The following GPHN variants were observed in gnomAD, a reference collection of about 807,000 sequenced individuals.
GPHN encodes the protein gephyrin.
In GPHN, 17 loss-of-function variants were observed where a neutral mutation model predicts 95.5. The ratio of observed to expected loss-of-function variants is 0.18; its 90% CI spans 0.12 to 0.27. The LOEUF (loss-of-function observed/expected upper bound fraction) is 0.27, where lower values mean the gene tolerates loss of function less well. GPHN is among the 10% of genes least tolerant of loss of function. GPHN has a pLI of 1.00. For missense variants in GPHN, 660 were observed against 978.1 expected (o/e 0.67, Z 4.34); for synonymous variants, 320 against 322.5 (o/e 0.99, Z 0.08).
the GPHN span, chr14:67,577,251 T>G: frequency 1.8e-6 from 2 of 1,132,468 alleles, no homozygotes; most frequent in African/African-American, 1.5e-5. Flanking sequence ...GGGAGATGAG[T>G]CCCCTCTCAG....
the GPHN span, among the ~76,000 whole-genome samples, chr14:67,530,939 T>C: frequency 4.6e-5 from 7 of 152,230 alleles, no homozygotes; most frequent in Admixed American, 4.6e-4. Flanking sequence ...TGGCAGCTAA[T>C]ACAATCATTG....
chr14:67,542,054 C>A, the GPHN span: 2 of 1,447,050 alleles, frequency 1.4e-6, no homozygotes, highest in African/African-American at 2.9e-5. Context: ...CAGGGAGGGC[C>A]GTGTGAGAGA....
At chr14:66,800,413 A>G (rs2060304697) in intron 3 of GPHN, among the ~76,000 whole-genome samples, 1 of 152,042 alleles carries the variant, frequency 6.6e-6, no homozygotes, top group African/African-American at 2.4e-5. Flanking sequence ...TTTTGTTGGG[A>G]AAGTCTTTAT....
At chr14:66,557,271 A>G (rs1156435858) in intron 1 of GPHN, among the ~76,000 whole-genome samples, 1 of 150,672 alleles carries the variant, frequency 6.6e-6, no homozygotes, top group African/African-American at 2.4e-5. Context: ...ATAGATAGAT[A>G]GATAGATAGA....
At chr14:67,198,221 C>T in the GPHN span, 1 of 1,613,846 alleles carries the variant, frequency 6.2e-7, no homozygotes, top group South Asian at 1.1e-5. Context: ...CTCTCTGCAC[C>T]CCACACTCCC....
chr14:66,532,189 G>C (rs2058968855), intron 1 of GPHN, among the ~76,000 whole-genome samples: 1 of 152,130 alleles, frequency 6.6e-6, no homozygotes, highest in Non-Finnish European at 1.5e-5. Flanking sequence ...TTGAAACTAC[G>C]ATTTAGTATT....
At chr14:66,943,970 C>T (rs955062053) in intron 8 of GPHN, among the ~76,000 whole-genome samples, 1 of 152,120 alleles carries the variant, frequency 6.6e-6, no homozygotes, top group Admixed American at 6.5e-5. Context: ...AAATAGAGGT[C>T]TTTCCCCTTC....
chr14:66,742,126 C>G (rs988383338), intron 2 of GPHN, among the ~76,000 whole-genome samples: 1 of 152,198 alleles, frequency 6.6e-6, no homozygotes, highest in Non-Finnish European at 1.5e-5. Context: ...CCAAAAGGAA[C>G]TCTTTTGCCT....
At chr14:67,246,616 C>T in the GPHN span, among the ~76,000 whole-genome samples, 3 of 149,194 alleles carry the variant, frequency 2.0e-5, no homozygotes, top group Admixed American at 1.3e-4. Context: ...GCTAGGATTA[C>T]AGGTGTTAGC....
At chr14:67,034,202 T>C (rs1222184772) in intron 10 of GPHN, among the ~76,000 whole-genome samples, 1 of 152,170 alleles carries the variant, frequency 6.6e-6, no homozygotes, top group Admixed American at 6.5e-5. Context: ...AATGGTGGCA[T>C]GTAAATCACA....
intron 19 of GPHN, among the ~76,000 whole-genome samples, chr14:67,162,707 A>G (rs974262525): frequency 6.6e-6 from 1 of 152,240 alleles, no homozygotes; most frequent in African/African-American, 2.4e-5. Context: ...CATTTTTCTA[A>G]AACAGCAAAG....
chr14:67,431,833 T>G, the GPHN span, among the ~76,000 whole-genome samples: 1 of 152,220 alleles, frequency 6.6e-6, no homozygotes, highest in Non-Finnish European at 1.5e-5. Context: ...GGGCAGTCAG[T>G]GCCCATACTC....
chr14:66,761,961 G>C (rs542760057), intron 2 of GPHN, among the ~76,000 whole-genome samples: 1 of 152,210 alleles, frequency 6.6e-6, no homozygotes. Context: ...TGCGATTCCT[G>C]GTAGAGCATA....
At chr14:66,996,138 C>T (rs2071773722) in intron 9 of GPHN, 1 of 1,460,722 alleles carries the variant, frequency 6.8e-7, no homozygotes, top group Non-Finnish European at 9.3e-7. Flanking sequence ...CTATCCTTTC[C>T]TCTTTAACAG....
intron 5 of GPHN, among the ~76,000 whole-genome samples, chr14:66,881,011 T>A (rs1209700681): frequency 6.6e-6 from 1 of 151,972 alleles, no homozygotes; most frequent in Non-Finnish European, 1.5e-5. Context: ...TAGCCCTTTA[T>A]GTATCCTGTG....
the GPHN span, among the ~76,000 whole-genome samples, chr14:67,490,388 C>T: frequency 3.9e-5 from 6 of 152,214 alleles, no homozygotes; most frequent in Non-Finnish European, 8.8e-5. Context: ...GCAAGGAAGA[C>T]TGGGGCAGGA....
In GPHN at chr14:67,047,324, GTGTGTGTGTT is replaced by G. The variant is rs759441353; in HGVS notation, c.1007-11315_1007-11306del. ...CATCTTTTCTTCATTTATTTTGTGT[GTGTGTGTGTT>G]TGTGTGTGTGTGTGTGTGTGTGTGT... On this transcript the variant is annotated intron_variant, in intron 10 of 22. Coordinates refer to ENST00000478722, the MANE Select transcript of GPHN (RefSeq NM_020806.5). Among the ~76,000 whole-genome samples, 538 of 120,700 alleles carry G rather than the reference GTGTGTGTGTT, an allele frequency of 4.5e-3. 4 individuals carry two copies. Among genetic ancestry groups the G allele is most frequent in the Middle Eastern group, 0.012 (3 of 258 alleles). The allele number at this position is 120,700 out of a possible 152,430, so 79.2% of individuals were successfully genotyped here. A position where few individuals can be genotyped will look rare whatever the true frequency, so the allele number is the denominator to read the frequency against.
chr14:66,535,030 A>G (rs2059090805), intron 1 of GPHN, among the ~76,000 whole-genome samples: 1 of 152,122 alleles, frequency 6.6e-6, no homozygotes, highest in African/African-American at 2.4e-5. Context: ...TGGTTTGTTA[A>G]TGTTTTGTTT....
chr14:67,293,712 A>G, the GPHN span, among the ~76,000 whole-genome samples: 2 of 152,236 alleles, frequency 1.3e-5, no homozygotes, highest in Non-Finnish European at 2.9e-5. Context: ...ACGAGTACCA[A>G]TATATTTGGT....
Sources: allele counts gnomAD v4.1 joint callset (sites outside exome capture counted in the v4.1 genomes callset), GRCh38; gene constraint gnomAD v4.1.1; transcripts MANE v1.5; gene names NCBI Gene and HGNC (gene_info 2026-07-23, HGNC 2026-07-21).